Variants in ACSS3 observed in about 807,000 individuals in gnomAD.
ACSS3 encodes acyl-CoA synthetase short-chain family member 3, mitochondrial.
ACSS3 carries 64 observed loss-of-function variants against 84.2 expected under a neutral mutation model. That is an observed-to-expected ratio of 0.76 (90% CI 0.62 to 0.94). The LOEUF (loss-of-function observed/expected upper bound fraction) is 0.94, where lower values mean the gene tolerates loss of function less well. ACSS3 is among the 40% of genes least tolerant of loss of function. The pLI is 0.00. For synonymous variants in ACSS3, 317 were observed against 310.1 expected, an observed-to-expected ratio of 1.02 and a Z score of -0.23; for missense variants, 815 against 867.6, an observed-to-expected ratio of 0.94 and a Z score of 0.76.
chr12:81,245,416 C>T (rs980187616), intron 13 of ACSS3, among the ~76,000 whole-genome samples: 6 of 152,220 alleles, frequency 3.9e-5, no homozygotes, highest in South Asian at 2.1e-4. Flanking sequence ...GAGCTGAGAT[C>T]GCGCCACTGC....
At chr12:81,248,814 G>A (rs924242189) in intron 13 of ACSS3, among the ~76,000 whole-genome samples, 9 of 151,808 alleles carry the variant, frequency 5.9e-5, no homozygotes, top group African/African-American at 2.2e-4. Context: ...AATATCACAT[G>A]TACCCTATAA....
chr12:81,214,382 A>T (rs1200063090), intron 9 of ACSS3, among the ~76,000 whole-genome samples: 1 of 152,170 alleles, frequency 6.6e-6, no homozygotes, highest in Admixed American at 6.5e-5. Context: ...AGTCAACAAG[A>T]CACTTGAATT....
At chr12:81,191,947 T>C (rs2031590920) in intron 8 of ACSS3, among the ~76,000 whole-genome samples, 1 of 152,236 alleles carries the variant, frequency 6.6e-6, no homozygotes, top group Admixed American at 6.5e-5. Flanking sequence ...TCTACGTATA[T>C]TTCCTGAACA....
At chr12:81,222,491 C>T (rs1354219080) in intron 11 of ACSS3, among the ~76,000 whole-genome samples, 2 of 152,036 alleles carry the variant, frequency 1.3e-5, no homozygotes, top group East Asian at 3.9e-4. Context: ...TCTAACTTAT[C>T]AACTTAAAAA....
In ACSS3 at chr12:81,170,629, G is replaced by T. The variant is rs78814457; in HGVS notation, c.1099-4159G>T. Among the ~76,000 whole-genome samples the T allele has an allele frequency of 7.4e-4, 113 of 152,072 alleles. 2 individuals are homozygous for T. In the East Asian group the frequency reaches 0.019, roughly 26 times the overall value. On this transcript the variant is annotated intron_variant, in intron 7 of 15. Transcript: ENST00000548058. ...TTGAGTTTGAGGAGCTTTAAAGTTG[G>T]TATTTTTGGCTGCATTATTGCTTTT...
chr12:81,157,180 A>G (rs1279813117), intron 7 of ACSS3, among the ~76,000 whole-genome samples: 2 of 152,226 alleles, frequency 1.3e-5, no homozygotes, highest in East Asian at 3.9e-4. Context: ...AATTTATTCC[A>G]GAGGTACAAG....
intron 9 of ACSS3, among the ~76,000 whole-genome samples, chr12:81,208,779 G>C (rs546469863): frequency 6.6e-6 from 1 of 152,106 alleles, no homozygotes; most frequent in Non-Finnish European, 1.5e-5. Flanking sequence ...ATCTCCCTAA[G>C]TACACTTGCC....
intron 11 of ACSS3, among the ~76,000 whole-genome samples, chr12:81,223,904 C>T (rs532571032): frequency 5.3e-5 from 8 of 151,934 alleles, no homozygotes; most frequent in East Asian, 1.9e-4. Flanking sequence ...TGTAATATTT[C>T]GATTGGCCAG....
chr12:81,194,177 T>C (rs991133756), intron 8 of ACSS3, among the ~76,000 whole-genome samples: 1 of 151,824 alleles, frequency 6.6e-6, no homozygotes, highest in Admixed American at 6.6e-5. Context: ...GTTGTTTCAA[T>C]TATTATCATG....
At chr12:81,165,489 C>CA (rs1887357736) in intron 7 of ACSS3, among the ~76,000 whole-genome samples, 2 of 151,876 alleles carry the variant, frequency 1.3e-5, no homozygotes, top group South Asian at 2.1e-4. Context: ...ACTAAAAATA[C>CA]AAAAAAATTA....
intron 2 of ACSS3, among the ~76,000 whole-genome samples, chr12:81,115,247 C>A (rs1396198103): frequency 1.3e-5 from 2 of 152,038 alleles, no homozygotes; most frequent in African/African-American, 4.8e-5. Context: ...GTAGATAGTG[C>A]CAAACAATTT....
chr12:81,197,428 C>A (rs947165887), intron 8 of ACSS3, among the ~76,000 whole-genome samples: 2 of 151,990 alleles, frequency 1.3e-5, no homozygotes, highest in Non-Finnish European at 2.9e-5. Context: ...TGAGAATTTT[C>A]TTTGTTTTGT....
At chr12:81,108,534 C>T (rs919155907) in intron 1 of ACSS3, among the ~76,000 whole-genome samples, 3 of 152,066 alleles carry the variant, frequency 2.0e-5, no homozygotes, top group Non-Finnish European at 4.4e-5. Flanking sequence ...ACCTCAGCCT[C>T]CCAAAGTGCT....
intron 9 of ACSS3, among the ~76,000 whole-genome samples, chr12:81,209,103 C>T (rs545567457): frequency 6.6e-6 from 1 of 152,096 alleles, no homozygotes; most frequent in South Asian, 2.1e-4. Flanking sequence ...TGATTTGCTA[C>T]TTATTTTTTT....
intron 8 of ACSS3, among the ~76,000 whole-genome samples, chr12:81,188,064 T>C (rs2031369234): frequency 6.6e-6 from 1 of 151,980 alleles, no homozygotes; most frequent in South Asian, 2.1e-4. Flanking sequence ...AAAAAACTTA[T>C]ACTTTTTTAT....
chr12:81,176,637 A>G (rs759208318), intron 8 of ACSS3, among the ~76,000 whole-genome samples: 1 of 152,080 alleles, frequency 6.6e-6, no homozygotes, highest in Non-Finnish European at 1.5e-5. Flanking sequence ...TGAAACCCTT[A>G]ATGAACCAAT....
chr12:81,219,908 A>G, intron 10 of ACSS3, 105 bp from the exon 11 acceptor site: 1 of 624,138 alleles, frequency 1.6e-6, no homozygotes. Flanking sequence ...TTAAAAGATT[A>G]CTCTCTTAAG....
intron 3 of ACSS3, 87 bp downstream of exon 3, chr12:81,135,091 A>G (rs1226447105): frequency 9.6e-6 from 11 of 1,142,456 alleles, no homozygotes; most frequent in Middle Eastern, 6.1e-4. Context: ...AGAATGCTCT[A>G]TACTTGTTAG....
intron 13 of ACSS3, among the ~76,000 whole-genome samples, chr12:81,241,241 G>A (rs2033793210): frequency 6.6e-6 from 1 of 151,936 alleles, no homozygotes; most frequent in Admixed American, 6.5e-5. Flanking sequence ...ATCATTATTG[G>A]ACATTTGGGT....
Sources: allele counts gnomAD v4.1 joint callset (sites outside exome capture counted in the v4.1 genomes callset), GRCh38; gene constraint gnomAD v4.1.1; transcripts MANE v1.5; gene names NCBI Gene and HGNC (gene_info 2026-07-23, HGNC 2026-07-21).